Variants in PIN1 observed in about 807,000 individuals in gnomAD.
PIN1 encodes peptidyl-prolyl cis-trans isomerase NIMA-interacting 1.
PIN1 carries 8 observed loss-of-function variants against 19.9 expected under a neutral mutation model. The observed-to-expected ratio is 0.40, with a 90% CI of 0.24 to 0.72. The LOEUF is 0.72. Ranked by LOEUF, PIN1 falls within the 30% of genes least tolerant of loss-of-function variation. The pLI is 0.37. For missense variants in PIN1, 185 were observed against 226.5 expected (o/e 0.82, Z 1.18); for synonymous variants, 86 against 90.8 (o/e 0.95, Z 0.30).
intron 2 of PIN1, among the ~76,000 whole-genome samples, chr19:9,840,972 G>A (rs533688387): frequency 6.6e-6 from 1 of 152,294 alleles, no homozygotes; most frequent in African/African-American, 2.4e-5. Context: ...AGGACTCCTG[G>A]CTAATACAGT....
rs1252470283 is a variant in PIN1 at position 9,848,021 on chromosome 19, T to C, written c.272-9T>C. 4 of 1,579,394 alleles carry C rather than the reference T, an allele frequency of 2.5e-6. No homozygotes were observed. Among genetic ancestry groups the C allele is most frequent in the Non-Finnish European group, 3.5e-6 (4 of 1,148,822 alleles). ...GACCTGGCACTCCCATTCCGTTCCATGTCCACAGGCTACATCCAGAAGATC... is the reference window on the plus strand; with the variant it reads ...GACCTGGCACTCCCATTCCGTTCCACGTCCACAGGCTACATCCAGAAGATC... On this transcript the variant is annotated splice_polypyrimidine_tract_variant and intron_variant, in intron 2 of 3. Coordinates refer to ENST00000247970, the MANE Select transcript of PIN1 (RefSeq NM_006221.4).
At chr19:9,845,244 T>TTTG (rs1555721916) in intron 2 of PIN1, among the ~76,000 whole-genome samples, 65 of 122,386 alleles carry the variant, frequency 5.3e-4, no homozygotes, top group African/African-American at 1.3e-3. Context: ...AAGAAAGCGT[T>TTTG]TTTGTTTGTT....
rs189043702 is a variant in PIN1, at chr19:9,836,376, G to T, written c.58+974G>T. The T allele has an allele frequency of 2.1e-4, 33 of 160,644 alleles. No homozygotes were observed. The East Asian group carries it at 5.5e-3, about 27-fold the overall frequency. 10.0% of individuals were successfully genotyped at this position (160,644 alleles called of 1,614,324 possible). On this transcript the variant is annotated intron_variant, in intron 1 of 3. Transcript: ENST00000247970. ...TCAGATGAGAAAACTGAGGTGCAGG[G>T]AGATTAGAGCCCATTGCCAAGGTTT...
chr19:9,836,762 G>A lies in PIN1; in HGVS notation c.58+1360G>A. 3.5e-6 allele frequency: 4 copies of A among 1,134,092 alleles called. No individual in the cohort carries two copies. The South Asian group carries it at 5.1e-5, about 15-fold the overall frequency. 70.3% of individuals were successfully genotyped at this position (1,134,092 alleles called of 1,614,324 possible). ...GCACGGTGTAGTAGCTAAGAGCAGAGCTTTCGGGTGTGAAGTACCTGAGTA... is the reference window on the plus strand; with the variant it reads ...GCACGGTGTAGTAGCTAAGAGCAGAACTTTCGGGTGTGAAGTACCTGAGTA... On this transcript the variant is annotated intron_variant, in intron 1 of 3. Coordinates refer to ENST00000247970, the MANE Select transcript of PIN1 (RefSeq NM_006221.4).
chr19:9,843,964 C>A (rs180873890), intron 2 of PIN1, among the ~76,000 whole-genome samples: 2 of 152,016 alleles, frequency 1.3e-5, no homozygotes, highest in African/African-American at 4.8e-5. Flanking sequence ...GCAGGAGGAT[C>A]GCTGGAACCT....
At position 9,849,390 on chromosome 19, in the gene PIN1, C is replaced by G; in HGVS notation, c.*191C>G. 2 of 719,550 alleles carry G rather than the reference C, an allele frequency of 2.8e-6. No homozygotes were observed. Among genetic ancestry groups the G allele is most frequent in the South Asian group, 2.9e-5 (2 of 69,654 alleles). 44.6% of individuals were successfully genotyped at this position (719,550 alleles called of 1,614,324 possible). The stretch of plus-strand genomic sequence containing the variant: ...TGGGGTCCCCACTCCCTGTCCATCC[C>G]CAGTTGGGGCTGCGACCGCCAGATT... On this transcript the variant is annotated 3_prime_UTR_variant, in exon 4 of 4. Transcript: ENST00000247970.
Position 9,840,486 on chromosome 19 carries a change from C to T in PIN1, c.271+1838C>T, listed in dbSNP as rs2046154949. On this transcript the variant is annotated intron_variant, in intron 2 of 3. Coordinates refer to ENST00000247970, the MANE Select transcript of PIN1 (RefSeq NM_006221.4). ...AGTCCCCAAACCTGGGCTGTCCCTA[C>T]TCCAAACAACCCATCTCTCAACCAT... Among the ~76,000 whole-genome samples, 5 of 152,362 alleles carry T rather than the reference C, an allele frequency of 3.3e-5. No individual in the cohort carries two copies. The South Asian group carries it at 1.0e-3, about 32-fold the overall frequency.
chr19:9,839,130 A>G (rs1329770573), intron 2 of PIN1, among the ~76,000 whole-genome samples: 1 of 152,164 alleles, frequency 6.6e-6, no homozygotes, highest in African/African-American at 2.4e-5. Context: ...CAGAGAGAGC[A>G]GTCAGGAAGG....
At chr19:9,837,985 G>T (rs769787703) in intron 1 of PIN1, 10 of 256,156 alleles carry the variant, frequency 3.9e-5, no homozygotes, top group Non-Finnish European at 7.8e-5. Flanking sequence ...TGACCCTAAG[G>T]TAGGAACTGT....
At chr19:9,836,300 T>G (rs183442487) in intron 1 of PIN1, 1 of 154,844 alleles carries the variant, frequency 6.5e-6, no homozygotes, top group Admixed American at 6.3e-5. Flanking sequence ...ACATGGACTC[T>G]CCTCATTAAC....
intron 1 of PIN1, chr19:9,837,843 A>G (rs1013227656): frequency 6.4e-6 from 1 of 157,108 alleles, no homozygotes; most frequent in Non-Finnish European, 1.4e-5. Flanking sequence ...TGTGTTGGCC[A>G]GGCTGGTCTT....
At chr19:9,843,895 A>T (rs2046193334) in intron 2 of PIN1, among the ~76,000 whole-genome samples, 1 of 151,182 alleles carries the variant, frequency 6.6e-6, no homozygotes, top group African/African-American at 2.4e-5. Context: ...TAAAAATACT[A>T]AAAAAAAAGC....
At chr19:9,847,940 C>A in intron 2 of PIN1, 90 bp from the exon 3 acceptor site, 1 of 817,212 alleles carries the variant, frequency 1.2e-6, no homozygotes, top group Non-Finnish European at 2.2e-6. Context: ...GCTGCCTCCC[C>A]CGCTGGCCAG....
rs1457171197 is a variant in PIN1, at chr19:9,846,509, C to G, written c.272-1521C>G. ...AGCTCAGATACCAGGACACTGGTGG[C>G]TGCCATGACGTGCAGCCAAACAGGG... On this transcript the variant is annotated intron_variant, in intron 2 of 3. Coordinates refer to ENST00000247970, the MANE Select transcript of PIN1 (RefSeq NM_006221.4). This position sits in a 1 kb window ranked among gnomAD's most constrained non-coding sequence, Gnocchi z 5.9. 3.9e-5 allele frequency among the ~76,000 whole-genome samples: 6 copies of G among 152,188 alleles called. No homozygotes were observed. The highest frequency in any genetic ancestry group is 1.4e-4 in the African/African-American group (6 of 41,450).
chr19:9,847,703 T>TGC (rs1491063375), intron 2 of PIN1, among the ~76,000 whole-genome samples: 1 of 117,534 alleles, frequency 8.5e-6, no homozygotes, highest in African/African-American at 2.6e-5. Context: ...TGTGTGTGTG[T>TGC]GCATGTGTGT....
chr19:9,838,335 GC>G lies in PIN1; in HGVS notation c.59-96del. On this transcript the variant is annotated intron_variant, in intron 1 of 3. Transcript: ENST00000247970. This position sits in a 1 kb window ranked among gnomAD's most constrained non-coding sequence, Gnocchi z 5.8. The stretch of plus-strand genomic sequence containing the variant: ...CACCATGGATTTGTTGAATGAAGGC[GC>G]CCCCTGCAAGCCAGGCCCTCACCCT... 1 of 869,320 alleles carries G rather than the reference GC, an allele frequency of 1.2e-6. No homozygotes were observed. Among genetic ancestry groups the G allele is most frequent in the Non-Finnish European group, 1.9e-6 (1 of 526,672 alleles). The allele number at this position is 869,320 out of a possible 1,614,324, so 53.9% of individuals were successfully genotyped here.
At chr19:9,848,488 C>A (rs1209045427) in intron 3 of PIN1, 6 of 307,168 alleles carry the variant, frequency 2.0e-5, no homozygotes, top group South Asian at 6.9e-5. Flanking sequence ...CCCTGAGAGT[C>A]CCAGGGCCTG....
At chr19:9,836,381 T>A (rs1020566810) in intron 1 of PIN1, 3 of 164,686 alleles carry the variant, frequency 1.8e-5, no homozygotes, top group Non-Finnish European at 4.0e-5. Context: ...GCAGGGAGAT[T>A]AGAGCCCATT....
intron 2 of PIN1, among the ~76,000 whole-genome samples, chr19:9,847,600 C>T (rs751978858): frequency 1.6e-4 from 24 of 152,168 alleles, no homozygotes; most frequent in Non-Finnish European, 2.9e-4. Flanking sequence ...CCAGGGGGCC[C>T]GGGGGGCCAG....
Sources: gnomAD v4.1 joint callset for allele counts (sites outside exome capture counted in the v4.1 genomes callset) on GRCh38, gnomAD v4.1.1 for gene constraint, Gnocchi (gnomAD v3.1) non-coding constraint, MANE v1.5 for transcripts, NCBI Gene and HGNC (gene_info 2026-07-23, HGNC 2026-07-21) for gene names.